The following TRPM5 variants were observed in gnomAD, a reference collection of about 807,000 sequenced individuals.
TRPM5 encodes transient receptor potential cation channel subfamily M member 5, also known as MLSN1 and TRP-related.
In TRPM5, 121 loss-of-function variants were observed where a neutral mutation model predicts 124.9. The ratio of observed to expected loss-of-function variants is 0.97; its 90% confidence interval spans 0.84 to 1.13. TRPM5 has a LOEUF of 1.13. TRPM5 is among the 50% of genes most tolerant of loss of function. The pLI is 0.00. For missense variants in TRPM5, 1,643 were observed against 1,589.1 expected (o/e 1.03, Z -0.58); for synonymous variants, 781 against 700.5 (o/e 1.11, Z -1.81).
In TRPM5 at chr11:2,415,420, C is replaced by T. The variant is rs554145571; in HGVS notation, c.1180G>A (p.Glu394Lys). Residue 394 changes from glutamate to lysine, a missense_variant, in exon 9 of 24, where the codon GAG becomes AAG. Physicochemically the swap from Glu to Lys is moderately conservative, Grantham distance 56 (BLOSUM62 1). Coordinates refer to ENST00000155858, the Ensembl canonical transcript of TRPM5. The stretch of plus-strand genomic sequence containing the variant: ...TTGTCCACAAAGAGGCGCACAAACT[C>T]GGGCTTGTTGCTGACCAGGGCGTCC... 19 of 1,593,368 alleles carry T rather than the reference C, an allele frequency of 1.2e-5. No homozygotes were observed. In the African/African-American group the frequency reaches 1.5e-4, roughly 12 times the overall value.
chr11:2,423,290 G>A (rs1227772751), upstream of TRPM5, among the ~76,000 whole-genome samples: 1 of 152,190 alleles, frequency 6.6e-6, no homozygotes, highest in Non-Finnish European at 1.5e-5. Flanking sequence ...TCCTTCCCAG[G>A]TGAGGATGGG....
At chr11:2,415,775 C>G (rs1267322403) in intron 8 of TRPM5, 131 bp downstream of exon 13, 3 of 716,232 alleles carry the variant, frequency 4.2e-6, no homozygotes, top group Non-Finnish European at 6.9e-6. Flanking sequence ...GTGGCCTGGT[C>G]TTGCCCCGGA....
chr11:2,428,338 C>T, the TRPM5 span, among the ~76,000 whole-genome samples: 1 of 152,198 alleles, frequency 6.6e-6, no homozygotes, highest in Non-Finnish European at 1.5e-5. This position sits in a 1 kb window ranked among gnomAD's most constrained non-coding sequence, Gnocchi z 4.0. Context: ...CTGGGACTTG[C>T]TCTCTGGGAC....
At chr11:2,407,176 T>G in exon 20 of TRPM5, 1 of 1,611,546 alleles carries the variant, frequency 6.2e-7, no homozygotes, top group Non-Finnish European at 8.5e-7. Context: ...AGCGTCAGGC[T>G]CAGGTGGCTG....
chr11:2,427,289 A>G (rs1005236), upstream of TRPM5, among the ~76,000 whole-genome samples: 43,187 of 152,122 alleles, frequency 0.28, 6,301 homozygotes, highest in Admixed American at 0.35. Flanking sequence ...CCTTCTCCCC[A>G]CCTGGGCTGT....
intron 7 of TRPM5, 130 bp downstream of exon 12, chr11:2,417,597 G>A (rs1845704020): frequency 3.0e-6 from 2 of 656,474 alleles, no homozygotes; most frequent in South Asian, 1.9e-5. Flanking sequence ...CATGAATCAT[G>A]TGTCATCTTT....
upstream of TRPM5, among the ~76,000 whole-genome samples, chr11:2,426,082 C>G (rs565069411): frequency 5.3e-5 from 8 of 152,166 alleles, no homozygotes; most frequent in Non-Finnish European, 1.0e-4. Flanking sequence ...TGACTCTATG[C>G]AAGACCCCCG....
rs143774294 is a variant in TRPM5, at chr11:2,422,968, C to T, written c.69G>A (p.Leu23=). 1.5e-5 allele frequency: 24 copies of T among 1,613,084 alleles called. No homozygotes were observed. The African/African-American group carries it at 2.8e-4, about 19-fold the overall frequency. Residue 23 remains leucine (L), a synonymous_variant, in exon 1 of 24, where the codon TTG becomes TTA. Transcript: ENST00000155858. ...CTCCAAAGTTGACCTCGCCCCTGTG[C>T]AAGCCCAGCTCCCGCCGGTCTTCAG...
chr11:2,414,009 G>GGGGGGGGCCCCCCCCCCCCCCCCCCCC, intron 12 of TRPM5, 52 bp downstream of exon 17: 2 of 1,023,724 alleles, frequency 2.0e-6, no homozygotes, highest in Non-Finnish European at 2.9e-6. Flanking sequence ...GGCCCAGCTC[G>GGGGGGGGCCCCCCCCCCCCCCCCCCCC]CCCGCCCACC....
chr11:2,409,667 T>C (rs1256826270), intron 18 of TRPM5, among the ~76,000 whole-genome samples: 3 of 152,102 alleles, frequency 2.0e-5, no homozygotes, highest in Non-Finnish European at 4.4e-5. Context: ...TGGGTCACAG[T>C]GAGTGGCTGG....
chr11:2,419,046 T>C (rs753138), intron 4 of TRPM5, among the ~76,000 whole-genome samples: 70,892 of 151,708 alleles, frequency 0.47, 17,406 homozygotes, highest in East Asian at 0.66. Flanking sequence ...GGAAATGAGA[T>C]GTCTATATGT....
intron 22 of TRPM5, 146 bp downstream of exon 27, chr11:2,405,873 C>A (rs529527616): frequency 1.3e-6 from 1 of 765,892 alleles, no homozygotes; most frequent in Admixed American, 2.2e-5. Flanking sequence ...TTCCCCAGAA[C>A]GCTCCTCTGC....
chr11:2,406,513 A>C (rs1565005575), intron 21 of TRPM5, 148 bp downstream of exon 26: 18 of 1,118,240 alleles, frequency 1.6e-5, no homozygotes, highest in Middle Eastern at 2.1e-4. Flanking sequence ...TCAGGCTGGA[A>C]AGCTAGGCCC....
chr11:2,406,928 G>T, intron 20 of TRPM5, 135 bp from the exon 26 acceptor site: 1 of 1,397,096 alleles, frequency 7.2e-7, no homozygotes, highest in Non-Finnish European at 9.6e-7. Flanking sequence ...GGGCAAGCAT[G>T]GCCCTGTGCA....
intron 22 of TRPM5, 129 bp downstream of exon 27, chr11:2,405,890 G>T (rs897875407): frequency 2.3e-6 from 2 of 862,982 alleles, no homozygotes; most frequent in Non-Finnish European, 3.7e-6. Context: ...CTGCCCACTG[G>T]GGTGCTCCTG....
the TRPM5 span, among the ~76,000 whole-genome samples, chr11:2,438,777 C>T: frequency 4.6e-5 from 7 of 152,076 alleles, no homozygotes; most frequent in Admixed American, 1.3e-4. The surrounding 1 kb of genome is among the most constrained non-coding windows in gnomAD (Gnocchi z 5.9). Context: ...AGATTAAGCG[C>T]TATTCCTATT....
At chr11:2,439,066 AG>A in the TRPM5 span, among the ~76,000 whole-genome samples, 3 of 152,226 alleles carry the variant, frequency 2.0e-5, no homozygotes, top group Non-Finnish European at 4.4e-5. Flanking sequence ...CAACAAAAAT[AG>A]GAAATGGGGA....
At chr11:2,415,411 G>A (rs763435755) in exon 9 of TRPM5, 23 of 1,593,120 alleles carry the variant, frequency 1.4e-5, no homozygotes, top group East Asian at 6.7e-5. Context: ...ACAAAGAGGC[G>A]CACAAACTCG....
the TRPM5 span, among the ~76,000 whole-genome samples, chr11:2,435,716 C>A: frequency 6.6e-6 from 1 of 151,650 alleles, no homozygotes; most frequent in Non-Finnish European, 1.5e-5. This position sits in a 1 kb window ranked among gnomAD's most constrained non-coding sequence, Gnocchi z 4.1. Flanking sequence ...CATCCATCCA[C>A]CAATCTGTGT....
Sources: allele counts gnomAD v4.1 joint callset (sites outside exome capture counted in the v4.1 genomes callset), GRCh38; gene constraint gnomAD v4.1.1; non-coding constraint Gnocchi (gnomAD v3.1); transcripts MANE v1.5; gene names NCBI Gene and HGNC (gene_info 2026-07-23, HGNC 2026-07-21).